Variants in RDX observed in about 807,000 individuals in gnomAD.
RDX encodes radixin.
RDX carries 32 observed loss-of-function variants against 83.7 expected under a neutral mutation model. That is an observed-to-expected ratio of 0.38 (90% confidence interval 0.29 to 0.51). The LOEUF is 0.51. Among genes scored for constraint, RDX ranks in the 20% least tolerant of loss-of-function variants. RDX has a pLI of 0.87. For missense variants in RDX, 600 were observed against 689.9 expected (o/e 0.87, Z 1.46); for synonymous variants, 229 against 222.7 (o/e 1.03, Z -0.25).
chr11:110,176,010 A>C (rs1009743901), intron 15 of RDX, among the ~76,000 whole-genome samples: 3 of 151,748 alleles, frequency 2.0e-5, no homozygotes, highest in Non-Finnish European at 4.4e-5. Flanking sequence ...GGGAGTGGGG[A>C]CTACAGGAGG....
At chr11:110,179,839 T>C in intron 15 of RDX, 1 of 412,040 alleles carries the variant, frequency 2.4e-6, no homozygotes, top group Non-Finnish European at 4.7e-6. Flanking sequence ...ATGGAATGCC[T>C]CAGCCTCTAG....
downstream of RDX, among the ~76,000 whole-genome samples, chr11:110,224,596 T>C (rs1224903725): frequency 6.6e-6 from 1 of 152,214 alleles, no homozygotes; most frequent in Non-Finnish European, 1.5e-5. Context: ...TGTCTTTAAT[T>C]TCTACTTCTA....
rs879750788 is a variant in RDX at position 110,209,762 on chromosome 11, C to T, written c.1749-10084G>A. ...TCACACAGCAGGGTACTCCAACAGA[C>T]CTGCAGCTGAGGGTCCTCTCTGTTA... On this transcript the variant is annotated intron_variant, in intron 14 of 15. Transcript: ENST00000528498. Among the ~76,000 whole-genome samples the T allele has an allele frequency of 4.3e-4, 63 of 145,274 alleles. 1 individual carries two copies. Among genetic ancestry groups the T allele is most frequent in the Non-Finnish European group, 7.9e-4 (52 of 65,762 alleles).
In RDX at chr11:110,188,737, A is replaced by C. The variant is rs191306274; in HGVS notation, c.*31+10844T>G. 3.5e-4 allele frequency among the ~76,000 whole-genome samples: 54 copies of C among 152,326 alleles called. No individual in the cohort carries two copies. The East Asian group carries it at 8.7e-3, about 24-fold the overall frequency. On this transcript the variant is annotated intron_variant, in intron 15 of 15. Transcript: ENST00000528498. ...AAAGAAATTCCAACAAAGATGCTAT[A>C]TCCTACCACACTAAGCTTCATAAGC...
chr11:110,204,484 G>C (rs1214073980), intron 14 of RDX, among the ~76,000 whole-genome samples: 1 of 145,596 alleles, frequency 6.9e-6, no homozygotes, highest in Non-Finnish European at 1.5e-5. Context: ...TTGTACAGCT[G>C]TAATTACTTT....
chr11:110,290,637 A>G (rs1192167271), intron 1 of RDX, among the ~76,000 whole-genome samples: 3 of 152,210 alleles, frequency 2.0e-5, no homozygotes, highest in Admixed American at 2.0e-4. Context: ...TATGTGGCAT[A>G]TAATAACTGT....
chr11:110,236,044 T>A, intron 12 of RDX, 55 bp downstream of exon 12: 1 of 1,247,934 alleles, frequency 8.0e-7, no homozygotes, highest in South Asian at 1.2e-5. Flanking sequence ...AAAGTCAGCA[T>A]AATCCTGGGT....
intron 3 of RDX, among the ~76,000 whole-genome samples, chr11:110,268,835 C>T (rs565235087): frequency 3.3e-5 from 5 of 151,870 alleles, no homozygotes; most frequent in African/African-American, 1.2e-4. Flanking sequence ...CTTCTGATCA[C>T]ATACTTTTAG....
chr11:110,265,330 G>A (rs183778354), intron 3 of RDX, among the ~76,000 whole-genome samples: 3 of 151,964 alleles, frequency 2.0e-5, no homozygotes, highest in Non-Finnish European at 4.4e-5. Context: ...GACCTCAGGT[G>A]ATCTGCCTGC....
chr11:110,201,694 TATTAA>T (rs959398964), intron 14 of RDX, among the ~76,000 whole-genome samples: 7 of 152,192 alleles, frequency 4.6e-5, no homozygotes, highest in African/African-American at 1.4e-4. Context: ...CAAGAATATA[TATTAA>T]ATTATGTGTT....
chr11:110,264,272 T>A, intron 4 of RDX, 38 bp from the exon 5 acceptor site: 1 of 1,458,886 alleles, frequency 6.9e-7, no homozygotes, highest in South Asian at 1.2e-5. Context: ...ACAAAAATCT[T>A]AAGTTTACAA....
At chr11:110,205,081 G>C (rs1289144764) in intron 14 of RDX, among the ~76,000 whole-genome samples, 2 of 152,140 alleles carry the variant, frequency 1.3e-5, no homozygotes, top group African/African-American at 4.8e-5. Context: ...TGCAACAGAT[G>C]AGAGTATAAC....
intron 9 of RDX, among the ~76,000 whole-genome samples, chr11:110,251,107 C>T (rs993106746): frequency 1.3e-5 from 2 of 152,148 alleles, no homozygotes; most frequent in Non-Finnish European, 2.9e-5. Flanking sequence ...TCCCACTTTC[C>T]TCATGAAGTC....
chr11:110,220,406 G>A (rs1864202610), intron 14 of RDX, among the ~76,000 whole-genome samples: 1 of 152,182 alleles, frequency 6.6e-6, no homozygotes, highest in Non-Finnish European at 1.5e-5. Flanking sequence ...TGGCCAAGTG[G>A]ATTCCCAAGG....
intron 1 of RDX, among the ~76,000 whole-genome samples, chr11:110,291,274 T>C (rs1410037089): frequency 6.6e-6 from 1 of 151,824 alleles, no homozygotes; most frequent in African/African-American, 2.4e-5. Context: ...CTGGAGTTCG[T>C]GGCATGGAGC....
At chr11:110,226,759 C>G (rs977529576), downstream of RDX, among the ~76,000 whole-genome samples, 1 of 152,130 alleles carries the variant, frequency 6.6e-6, no homozygotes, top group African/African-American at 2.4e-5. Flanking sequence ...TAAAATGAGT[C>G]TTCCTAGGTT....
intron 2 of RDX, 125 bp downstream of exon 2, chr11:110,279,556 A>C (rs1860667050): frequency 1.4e-6 from 1 of 695,848 alleles, no homozygotes; most frequent in African/African-American, 1.8e-5. Context: ...ATCTAAAGAG[A>C]AATAACAGTA....
chr11:110,284,613 C>A lies in RDX; in HGVS notation c.-64-4857G>T, dbSNP rs186905067. On this transcript the variant is annotated intron_variant, in intron 1 of 13. Transcript: ENST00000645495. The stretch of plus-strand genomic sequence containing the variant: ...TCGGCTCACTGCAAGCTCTGCCTCC[C>A]GGATTTACACCATTCTCCTGCCTCA... Among the ~76,000 whole-genome samples, 12 of 152,060 alleles carry A rather than the reference C, an allele frequency of 7.9e-5. No homozygotes were observed. In the East Asian group the frequency reaches 2.3e-3, roughly 29 times the overall value.
At chr11:110,222,066 T>A (rs1864269327) in intron 14 of RDX, among the ~76,000 whole-genome samples, 1 of 152,214 alleles carries the variant, frequency 6.6e-6, no homozygotes, top group African/African-American at 2.4e-5. Context: ...CATCATGCCT[T>A]CTTTTCTCCT....
Sources: gnomAD v4.1 joint callset for allele counts (sites outside exome capture counted in the v4.1 genomes callset) on GRCh38, gnomAD v4.1.1 for gene constraint, MANE v1.5 for transcripts, NCBI Gene and HGNC (gene_info 2026-07-23, HGNC 2026-07-21) for gene names.